Variants in PRH1 observed in about 807,000 individuals in gnomAD.
PRH1 encodes the protein proline rich protein HaeIII subfamily 1.
In PRH1, 7 loss-of-function variants were observed where a neutral mutation model predicts 7.9. That is an observed-to-expected ratio of 0.89 (90% confidence interval 0.50 to 1.67). The LOEUF is 1.67. PRH1 is among the 40% of genes most tolerant of loss of function. PRH1 has a pLI of 0.00. For missense variants in PRH1, 109 were observed against 223.6 expected (o/e 0.49, Z 3.27); for synonymous variants, 45 against 80.8 (o/e 0.56, Z 2.38).
At chr12:10,905,383 C>A (rs537673178) in intron 2 of PRH1, among the ~76,000 whole-genome samples, 1 of 152,068 alleles carries the variant, frequency 6.6e-6, no homozygotes, top group Admixed American at 6.6e-5. Flanking sequence ...CAATGGATTA[C>A]AGGCCAGGCA....
chr12:11,168,264 GAAAGAAAGAAAGAAAGAAA>G (rs1947661891), intron 1 of PRH1, among the ~76,000 whole-genome samples: 1 of 34,122 alleles, frequency 2.9e-5, no homozygotes, highest in African/African-American at 8.6e-5. Flanking sequence ...AAGAAAGAAA[GAAAGAAAGAAAGAAAGAAA>G]GAAAGAAAGA....
At chr12:10,901,470 T>C (rs1362434002) in intron 2 of PRH1, among the ~76,000 whole-genome samples, 8 of 152,146 alleles carry the variant, frequency 5.3e-5, no homozygotes, top group African/African-American at 1.2e-4. Flanking sequence ...GTGTCTGCCA[T>C]TGGAAGACCT....
At chr12:11,153,229 T>A (rs982512870) in intron 1 of PRH1, among the ~76,000 whole-genome samples, 1 of 152,086 alleles carries the variant, frequency 6.6e-6, no homozygotes, top group Admixed American at 6.6e-5. Flanking sequence ...GAAAGAAAAA[T>A]TATGAACTTA....
intron 2 of PRH1, among the ~76,000 whole-genome samples, chr12:10,968,856 G>C (rs1038636874): frequency 1.2e-4 from 19 of 152,242 alleles, no homozygotes. Flanking sequence ...GAGGGGGAGG[G>C]TGTTACAGTG....
chr12:10,960,423 G>A (rs376525499), intron 2 of PRH1, among the ~76,000 whole-genome samples: 11 of 152,312 alleles, frequency 7.2e-5, no homozygotes, highest in African/African-American at 2.6e-4. Flanking sequence ...AACTTAAATC[G>A]CACTTGCAGA....
At chr12:10,936,524 G>T (rs1003788416) in intron 2 of PRH1, among the ~76,000 whole-genome samples, 1 of 151,976 alleles carries the variant, frequency 6.6e-6, no homozygotes, top group East Asian at 1.9e-4. Flanking sequence ...AACATATATA[G>T]TACCCCCAAA....
At chr12:10,983,183 G>C (rs779238051) in intron 1 of PRH1, among the ~76,000 whole-genome samples, 3 of 152,170 alleles carry the variant, frequency 2.0e-5, no homozygotes, top group Non-Finnish European at 4.4e-5. Context: ...AACTCCTAGC[G>C]AATTAGTGGA....
intron 1 of PRH1, among the ~76,000 whole-genome samples, chr12:11,027,642 G>C (rs973199128): frequency 3.9e-5 from 6 of 152,212 alleles, no homozygotes; most frequent in Non-Finnish European, 7.3e-5. Flanking sequence ...GTGGAATCCA[G>C]AACAAATGAG....
intron 1 of PRH1, chr12:11,061,676 T>G: frequency 6.2e-7 from 1 of 1,614,132 alleles, no homozygotes; most frequent in Non-Finnish European, 8.5e-7. Context: ...TGCATCTTTT[T>G]GAGATGTTTA....
At chr12:10,961,436 G>A (rs569433566) in intron 2 of PRH1, among the ~76,000 whole-genome samples, 2 of 151,022 alleles carry the variant, frequency 1.3e-5, no homozygotes, top group East Asian at 1.9e-4. Flanking sequence ...AAGCATGAGC[G>A]CCTCTAAGCA....
intron 2 of PRH1, among the ~76,000 whole-genome samples, chr12:10,972,912 C>T (rs1011685164): frequency 2.7e-5 from 4 of 146,136 alleles, no homozygotes; most frequent in East Asian, 4.1e-4. Flanking sequence ...CCAATTAACA[C>T]GTACAAAGCA....
chr12:11,033,548 G>T (rs898934484), intron 1 of PRH1, among the ~76,000 whole-genome samples: 1 of 152,250 alleles, frequency 6.6e-6, no homozygotes, highest in African/African-American at 2.4e-5. Flanking sequence ...CAGGAATTCA[G>T]GAGCCGAAAG....
chr12:11,035,775 A>G (rs1012441831), intron 1 of PRH1, among the ~76,000 whole-genome samples: 1 of 152,180 alleles, frequency 6.6e-6, no homozygotes, highest in African/African-American at 2.4e-5. Flanking sequence ...AACTCTTTTC[A>G]CAGGCAAATT....
intron 1 of PRH1, among the ~76,000 whole-genome samples, chr12:11,099,234 A>G (rs1029515665): frequency 1.3e-5 from 2 of 152,182 alleles, no homozygotes; most frequent in African/African-American, 4.8e-5. Context: ...GATGGCTTCC[A>G]TACTGGGGAT....
chr12:11,072,548 A>G (rs1277026308), intron 1 of PRH1, among the ~76,000 whole-genome samples: 1 of 152,244 alleles, frequency 6.6e-6, no homozygotes, highest in Admixed American at 6.5e-5. Context: ...TCTCCAAGGA[A>G]TGGAATTGAT....
intron 2 of PRH1, chr12:10,937,578 A>G (rs1207609840): frequency 1.3e-5 from 2 of 152,190 alleles, no homozygotes; most frequent in Admixed American, 6.5e-5. Flanking sequence ...AGTTACGATC[A>G]GGATTACTTA....
intron 2 of PRH1, among the ~76,000 whole-genome samples, chr12:10,941,215 CTACAA>C (rs1308916953): frequency 6.6e-6 from 1 of 152,170 alleles, no homozygotes; most frequent in Non-Finnish European, 1.5e-5. Flanking sequence ...CCAGTGAGAG[CTACAA>C]TAACCCCAGA....
intron 1 of PRH1, among the ~76,000 whole-genome samples, chr12:10,976,797 T>A (rs139396064): frequency 2.6e-5 from 4 of 151,986 alleles, no homozygotes; most frequent in Admixed American, 1.3e-4. Flanking sequence ...CCTCTATGCA[T>A]ACAAGCTAGA....
At chr12:10,884,021 T>C in intron 1 of PRH1, 133 bp downstream of exon 1, 1 of 1,041,006 alleles carries the variant, frequency 9.6e-7, no homozygotes, top group Non-Finnish European at 1.4e-6. Context: ...ATAGATCTTC[T>C]GATCCTCAGC....
Sources: allele counts gnomAD v4.1 joint callset (sites outside exome capture counted in the v4.1 genomes callset), GRCh38; gene constraint gnomAD v4.1.1; transcripts MANE v1.5; gene names NCBI Gene and HGNC (gene_info 2026-07-23, HGNC 2026-07-21).